MAN2A1: variants seen among roughly 807,000 people sequenced by gnomAD.
MAN2A1 encodes alpha-mannosidase 2.
Under a neutral mutation model 142.6 loss-of-function variants are expected in MAN2A1, and 76 were observed. The ratio of observed to expected loss-of-function variants is 0.53; its 90% CI spans 0.44 to 0.65. The LOEUF (loss-of-function observed/expected upper bound fraction) is 0.65. MAN2A1 is among the 30% of genes least tolerant of loss of function. The pLI is 0.00. For missense variants in MAN2A1, 1,311 were observed against 1,365.1 expected (o/e 0.96, Z 0.62); for synonymous variants, 559 against 473.2 (o/e 1.18, Z -2.35).
At chr5:109,812,490 C>T (rs1025726408) in intron 12 of MAN2A1, among the ~76,000 whole-genome samples, 5 of 152,078 alleles carry the variant, frequency 3.3e-5, no homozygotes, top group African/African-American at 1.2e-4. Flanking sequence ...CATGTAAATT[C>T]ATGTTTCCAT....
chr5:109,811,376 A>C (rs1388421180), intron 12 of MAN2A1, among the ~76,000 whole-genome samples: 1 of 152,126 alleles, frequency 6.6e-6, no homozygotes, highest in Non-Finnish European at 1.5e-5. Context: ...AAGACTTACG[A>C]ATGAATTTTG....
intron 16 of MAN2A1, among the ~76,000 whole-genome samples, chr5:109,839,548 A>G (rs1580305865): frequency 6.7e-6 from 1 of 150,076 alleles, no homozygotes; most frequent in East Asian, 1.9e-4. Flanking sequence ...GCAGTGGCAC[A>G]TGCCTGTAGT....
chr5:109,851,739 C>G (rs1216976792), intron 19 of MAN2A1, among the ~76,000 whole-genome samples: 2 of 152,148 alleles, frequency 1.3e-5, no homozygotes, highest in African/African-American at 2.4e-5. Flanking sequence ...ATCCTTACCC[C>G]TTTCCTGCTA....
In MAN2A1 at chr5:109,700,516, G is replaced by A. The variant is rs186725554; in HGVS notation, c.135+9964G>A. ...TTGGTGGTAACATTTTACCTGTAGA[G>A]CATCGGAACATTGAAGACTGAGAAT... On this transcript the variant is annotated intron_variant, in intron 1 of 21. Coordinates refer to ENST00000261483, the MANE Select transcript of MAN2A1 (RefSeq NM_002372.4). Among the ~76,000 whole-genome samples the A allele has an allele frequency of 3.3e-4, 50 of 152,186 alleles. No individual in the cohort carries two copies. The East Asian group carries it at 6.4e-3, about 19-fold the overall frequency.
chr5:109,853,834 A>G (rs367591545), intron 19 of MAN2A1: 21 of 152,190 alleles, frequency 1.4e-4, no homozygotes, highest in African/African-American at 5.1e-4. Flanking sequence ...TATATGCTTT[A>G]TTTAATCTTT....
chr5:109,740,482 T>C (rs1233422144), intron 4 of MAN2A1, among the ~76,000 whole-genome samples: 4 of 152,042 alleles, frequency 2.6e-5, no homozygotes, highest in Admixed American at 1.3e-4. Context: ...AGAAGGAAAC[T>C]GGGTCTGCTG....
intron 12 of MAN2A1, among the ~76,000 whole-genome samples, chr5:109,804,837 T>C (rs915148131): frequency 1.3e-5 from 2 of 152,214 alleles, no homozygotes; most frequent in Non-Finnish European, 2.9e-5. Flanking sequence ...TTGCCATTTC[T>C]GTCCTTAACA....
At chr5:109,815,354 C>T (rs1188838988) in intron 12 of MAN2A1, among the ~76,000 whole-genome samples, 3 of 152,110 alleles carry the variant, frequency 2.0e-5, no homozygotes, top group East Asian at 1.9e-4. Context: ...TGCTTCTGTG[C>T]GTAAAATGGG....
intron 1 of MAN2A1, among the ~76,000 whole-genome samples, chr5:109,693,807 A>C (rs1190152323): frequency 6.6e-6 from 1 of 152,216 alleles, no homozygotes; most frequent in East Asian, 1.9e-4. Flanking sequence ...GACTAGAGGC[A>C]ACAGGGGGCC....
chr5:109,716,905 T>C (rs1287146823), intron 3 of MAN2A1, among the ~76,000 whole-genome samples: 2 of 152,166 alleles, frequency 1.3e-5, no homozygotes, highest in East Asian at 1.9e-4. Context: ...CTGCATATGA[T>C]GGCGTTTATT....
chr5:109,811,688 A>T (rs987679133), intron 12 of MAN2A1, among the ~76,000 whole-genome samples: 8 of 151,772 alleles, frequency 5.3e-5, no homozygotes, highest in African/African-American at 1.9e-4. Context: ...CTACCCTGTT[A>T]TATTGAACTT....
At chr5:109,705,394 T>G (rs10072086) in intron 1 of MAN2A1, among the ~76,000 whole-genome samples, 12,756 of 152,232 alleles carry the variant, frequency 0.084, 632 homozygotes, top group African/African-American at 0.15. Context: ...TCTTAACTCC[T>G]TTATTCAAAG....
At chr5:109,763,360 G>T (rs1289620898) in intron 5 of MAN2A1, among the ~76,000 whole-genome samples, 2 of 152,084 alleles carry the variant, frequency 1.3e-5, no homozygotes, top group African/African-American at 4.8e-5. Context: ...CCAGGTTCAG[G>T]GAGATTTTCC....
chr5:109,696,664 G>T (rs1750820971), intron 1 of MAN2A1, among the ~76,000 whole-genome samples: 1 of 152,160 alleles, frequency 6.6e-6, no homozygotes, highest in South Asian at 2.1e-4. Flanking sequence ...ACCCCTAGTT[G>T]TAGGAACCAA....
intron 13 of MAN2A1, among the ~76,000 whole-genome samples, chr5:109,818,841 A>T (rs1000708675): frequency 6.6e-6 from 1 of 152,198 alleles, no homozygotes; most frequent in Non-Finnish European, 1.5e-5. Context: ...ATAAACTGAG[A>T]CATGTATGGT....
intron 20 of MAN2A1, among the ~76,000 whole-genome samples, chr5:109,856,563 A>T (rs1259921015): frequency 6.6e-6 from 1 of 152,082 alleles, no homozygotes; most frequent in African/African-American, 2.4e-5. Context: ...AGGGATGAAG[A>T]CCTCTTGTAT....
intron 15 of MAN2A1, 141 bp downstream of exon 15, chr5:109,820,483 A>G (rs17489649): frequency 0.28 from 216,758 of 771,188 alleles, 34,334 homozygotes; most frequent in Non-Finnish European, 0.32. Flanking sequence ...ATTATCTATC[A>G]CCTTATTGAT....
At chr5:109,767,836 A>G (rs574406251) in intron 6 of MAN2A1, 128 bp downstream of exon 6, 2 of 690,354 alleles carry the variant, frequency 2.9e-6, no homozygotes, top group South Asian at 4.4e-5. Flanking sequence ...AAAGATAGTC[A>G]CTCTCGTAAT....
At position 109,830,161 on chromosome 5, in the gene MAN2A1, A is replaced by T. The variant is rs544539641; in HGVS notation, c.2566+6324A>T. On this transcript the variant is annotated intron_variant, in intron 16 of 21. Coordinates refer to ENST00000261483, the MANE Select transcript of MAN2A1 (RefSeq NM_002372.4). ...AGTAAGTATGAGTTTATTTTGATGA[A>T]ATCCATGCATAGTTTTTTCATGATA... Among the ~76,000 whole-genome samples, 3 of 152,278 alleles carry T rather than the reference A, an allele frequency of 2.0e-5. 1 individual carries two copies. The South Asian group carries it at 6.2e-4, about 32-fold the overall frequency.
Sources: allele counts gnomAD v4.1 joint callset (sites outside exome capture counted in the v4.1 genomes callset), GRCh38; gene constraint gnomAD v4.1.1; transcripts MANE v1.5; gene names NCBI Gene and HGNC (gene_info 2026-07-23, HGNC 2026-07-21).